CACNG3: variants seen among roughly 807,000 people sequenced by gnomAD.
CACNG3 encodes the protein calcium voltage-gated channel auxiliary subunit gamma 3.
Under a neutral mutation model 28.5 loss-of-function variants are expected in CACNG3, and 3 were observed. That is an observed-to-expected ratio of 0.11 (90% CI 0.05 to 0.27). The LOEUF is 0.27. CACNG3 is among the 10% of genes least tolerant of loss of function. The pLI, the probability that CACNG3 is intolerant of heterozygous loss-of-function variation, is 1.00. For missense variants in CACNG3, 236 were observed against 414.4 expected (o/e 0.57, Z 3.74); for synonymous variants, 174 against 162.2 (o/e 1.07, Z -0.55).
chr16:24,329,678 T>G (rs551968984), intron 1 of CACNG3, among the ~76,000 whole-genome samples: 1 of 152,320 alleles, frequency 6.6e-6, no homozygotes, highest in Non-Finnish European at 1.5e-5. Flanking sequence ...TATTTTAAAC[T>G]CTGAACCTCT....
chr16:24,268,559 A>T (rs1898644773), intron 1 of CACNG3, among the ~76,000 whole-genome samples: 1 of 152,260 alleles, frequency 6.6e-6, no homozygotes. Context: ...AAATCCAGAA[A>T]GCAAGGTCAA....
chr16:24,297,087 C>G (rs1899041010), intron 1 of CACNG3, among the ~76,000 whole-genome samples: 1 of 151,954 alleles, frequency 6.6e-6, no homozygotes, highest in East Asian at 1.9e-4. Flanking sequence ...CCTGTTTCCA[C>G]AAAAAACAGA....
At chr16:24,336,149 TG>T (rs1324667515) in intron 1 of CACNG3, among the ~76,000 whole-genome samples, 6 of 151,306 alleles carry the variant, frequency 4.0e-5, no homozygotes, top group African/African-American at 1.2e-4. Flanking sequence ...CGCTTGACCC[TG>T]GGAGGCGGAG....
chr16:24,267,959 C>A (rs931686813), intron 1 of CACNG3, among the ~76,000 whole-genome samples: 1 of 152,198 alleles, frequency 6.6e-6, no homozygotes, highest in Non-Finnish European at 1.5e-5. Flanking sequence ...CCGTGAGCTA[C>A]CGTGCCCGGC....
In CACNG3 at chr16:24,361,981, C is replaced by G; in HGVS notation, c.*118C>G. 8.7e-6 allele frequency: 9 copies of G among 1,036,142 alleles called. No homozygotes were observed. Among genetic ancestry groups the G allele is most frequent in the Non-Finnish European group, 1.2e-5 (9 of 729,104 alleles). The allele number at this position is 1,036,142 out of a possible 1,614,324, so 64.2% of individuals were successfully genotyped here. On this transcript the variant is annotated 3_prime_UTR_variant, in exon 4 of 4. Coordinates refer to ENST00000005284, the MANE Select transcript of CACNG3 (RefSeq NM_006539.4). This position sits in a 1 kb window ranked among gnomAD's most constrained non-coding sequence, Gnocchi z 6.8. ...GTATTACTTTTTACAAAGAATGAAA[C>G]CAAATGGACTCAGCCCTCTCCCACA...
intron 1 of CACNG3, among the ~76,000 whole-genome samples, chr16:24,334,924 A>G (rs543964873): frequency 1.3e-5 from 2 of 152,174 alleles, no homozygotes; most frequent in African/African-American, 2.4e-5. Flanking sequence ...GGCAGGATGA[A>G]GAAGGCCATA....
intron 1 of CACNG3, among the ~76,000 whole-genome samples, chr16:24,326,417 C>T (rs186782028): frequency 1.6e-4 from 24 of 152,236 alleles, no homozygotes; most frequent in African/African-American, 5.1e-4. Flanking sequence ...GTGATCCGCC[C>T]GCCTCGGCCT....
At chr16:24,320,379 A>T (rs1227050662) in intron 1 of CACNG3, among the ~76,000 whole-genome samples, 1 of 152,224 alleles carries the variant, frequency 6.6e-6, no homozygotes, top group Non-Finnish European at 1.5e-5. Context: ...AAGACCATGA[A>T]TACTTTCCCA....
At chr16:24,327,705 G>T (rs1019041747) in intron 1 of CACNG3, among the ~76,000 whole-genome samples, 1 of 151,904 alleles carries the variant, frequency 6.6e-6, no homozygotes, top group South Asian at 2.1e-4. Flanking sequence ...GCTTTGGGGG[G>T]CTGAGACAGG....
intron 1 of CACNG3, among the ~76,000 whole-genome samples, chr16:24,260,927 T>G (rs1264999805): frequency 6.6e-6 from 1 of 152,230 alleles, no homozygotes; most frequent in African/African-American, 2.4e-5. Flanking sequence ...GTTCAATATG[T>G]GACTCTCTCA....
In CACNG3 at chr16:24,257,369, GAGAGAGA is replaced by G. The variant is rs1433252533; in HGVS notation, c.211+405_211+411del. ...GGACAAGAGGAAAGAAGTGAGGGGG[GAGAGAGA>G]GAGAGAGAGAGAGAGAGAGAGAGAG... On this transcript the variant is annotated intron_variant, in intron 1 of 3. Coordinates refer to ENST00000005284, the MANE Select transcript of CACNG3 (RefSeq NM_006539.4). Among the ~76,000 whole-genome samples, 128 of 19,652 alleles carry G rather than the reference GAGAGAGA, an allele frequency of 6.5e-3. 9 individuals are homozygous for G. The highest frequency in any genetic ancestry group is 0.013 in the East Asian group (5 of 382). The allele number at this position is 19,652 out of a possible 152,430, so 12.9% of individuals were successfully genotyped here.
At chr16:24,297,768 C>T (rs1271815877) in intron 1 of CACNG3, among the ~76,000 whole-genome samples, 1 of 152,122 alleles carries the variant, frequency 6.6e-6, no homozygotes, top group Non-Finnish European at 1.5e-5. Context: ...CTGCGGTGTT[C>T]CAGAATCTCT....
At chr16:24,294,462 G>T (rs1899003960) in intron 1 of CACNG3, among the ~76,000 whole-genome samples, 1 of 152,164 alleles carries the variant, frequency 6.6e-6, no homozygotes, top group African/African-American at 2.4e-5. Context: ...GGGGATAATT[G>T]TCTTTATAGC....
At chr16:24,341,984 T>A (rs1467277688) in intron 1 of CACNG3, among the ~76,000 whole-genome samples, 1 of 152,216 alleles carries the variant, frequency 6.6e-6, no homozygotes, top group African/African-American at 2.4e-5. Context: ...TGCAGCAGCA[T>A]AGGCCAGGAG....
chr16:24,291,130 G>A (rs938692434), intron 1 of CACNG3, among the ~76,000 whole-genome samples: 1 of 152,162 alleles, frequency 6.6e-6, no homozygotes, highest in Non-Finnish European at 1.5e-5. Context: ...CCCTCATAGG[G>A]TTCTTATGGA....
At chr16:24,328,693 C>T (rs1009441495) in intron 1 of CACNG3, among the ~76,000 whole-genome samples, 3 of 152,048 alleles carry the variant, frequency 2.0e-5, no homozygotes, top group Admixed American at 6.6e-5. Flanking sequence ...GAGGACCTGA[C>T]GGCCCCGTGA....
chr16:24,353,292 G>T (rs1198822283), intron 2 of CACNG3, among the ~76,000 whole-genome samples: 1 of 152,186 alleles, frequency 6.6e-6, no homozygotes, highest in Non-Finnish European at 1.5e-5. Context: ...ACATTTTTGT[G>T]TTGCACAAGG....
At chr16:24,257,438 G>C (rs915163873) in intron 1 of CACNG3, among the ~76,000 whole-genome samples, 1 of 126,068 alleles carries the variant, frequency 7.9e-6, no homozygotes, top group African/African-American at 3.1e-5. Context: ...ATCCTGACCC[G>C]GTCTGGCACA....
intron 1 of CACNG3, among the ~76,000 whole-genome samples, chr16:24,329,586 C>T (rs868662050): frequency 5.3e-5 from 8 of 152,170 alleles, no homozygotes; most frequent in Admixed American, 6.6e-5. Flanking sequence ...GGAGTTGAGA[C>T]GTCACTCTTT....
Sources: allele counts gnomAD v4.1 joint callset (sites outside exome capture counted in the v4.1 genomes callset), GRCh38; gene constraint gnomAD v4.1.1; non-coding constraint Gnocchi (gnomAD v3.1); transcripts MANE v1.5; gene names NCBI Gene and HGNC (gene_info 2026-07-23, HGNC 2026-07-21).